The following LILRB1 variants were observed in gnomAD, a reference collection of about 807,000 sequenced individuals.
LILRB1 encodes the protein leukocyte immunoglobulin like receptor B1, also known as leukocyte immunoglobulin-like receptor subfamily B member 1.
LILRB1 carries 59 observed loss-of-function variants against 74.6 expected under a neutral mutation model. The observed-to-expected ratio is 0.79, with a 90% CI of 0.64 to 0.98. LILRB1 has a LOEUF of 0.98. LILRB1 is among the 50% of genes least tolerant of loss of function. The pLI is 0.00. For synonymous variants in LILRB1, 328 were observed against 333.9 expected (o/e 0.98, Z 0.19); for missense variants, 804 against 822.6 (o/e 0.98, Z 0.28).
rs756118883 is a variant in LILRB1 at position 54,633,738 on chromosome 19, C to T, written c.1312+50C>T. On this transcript the variant is annotated intron_variant, in intron 8 of 14. Transcript: ENST00000324602. ...CAAGGGAGTGCGGCCTCCCCCAGGGCAGCCCTGGGTCTCCCAGAGAATCCC... is the reference window on the plus strand; with the variant it reads ...CAAGGGAGTGCGGCCTCCCCCAGGGTAGCCCTGGGTCTCCCAGAGAATCCC... 22 of 1,576,732 alleles carry T rather than the reference C, an allele frequency of 1.4e-5. No individual in the cohort carries two copies. The East Asian group carries it at 5.0e-4, about 36-fold the overall frequency.
intron 1 of LILRB1, 25 bp from the exon 2 acceptor site, chr19:54,631,001 T>G: frequency 1.3e-6 from 2 of 1,567,926 alleles, no homozygotes; most frequent in Non-Finnish European, 1.7e-6. Context: ...TTGGCCACAC[T>G]CTGTGTGTCT....
intron 1 of LILRB1, 65 bp downstream of exon 1, chr19:54,630,698 T>C: frequency 1.3e-6 from 1 of 790,282 alleles, no homozygotes; most frequent in Non-Finnish European, 2.2e-6. Flanking sequence ...TGTGGGAGGC[T>C]GTGAGAAGGA....
At chr19:54,631,813 C>G in intron 4 of LILRB1, 26 bp downstream of exon 4, 2 of 1,611,612 alleles carry the variant, frequency 1.2e-6, no homozygotes, top group African/African-American at 1.3e-5. Flanking sequence ...GGGGTCCCAG[C>G]CCCAGACTCT....
Position 54,631,716 on chromosome 19 carries a change from A to G in LILRB1, c.287A>G (p.Tyr96Cys), listed in dbSNP as rs1387488915. The change falls in exon 4 of 15, where the codon TAT becomes TGT. Residue 96 changes from tyrosine (Y) to cysteine (C), a missense_variant. Tyr to Cys is a radical substitution (Grantham distance 194). Coordinates refer to ENST00000324602, the MANE Select transcript of LILRB1 (RefSeq NM_001081637.3). ...ATCACCTGGGAACACACAGGGCGGTATCGCTGTTACTATGGTAGCGACACT... is the reference window on the plus strand; with the variant it reads ...ATCACCTGGGAACACACAGGGCGGTGTCGCTGTTACTATGGTAGCGACACT... ...PSITWEHTGR[Y>C]RCYYGSDTAG... 6.2e-7 allele frequency: 1 copy of G among 1,614,148 alleles called. No homozygotes were observed. Among genetic ancestry groups the G allele is most frequent in the Non-Finnish European group, 8.5e-7 (1 of 1,180,036 alleles).
rs2064146074 is a variant in LILRB1 at position 54,633,907 on chromosome 19, G to A, written c.1313-64G>A. On this transcript the variant is annotated intron_variant, in intron 8 of 14. Transcript: ENST00000324602. The stretch of plus-strand genomic sequence containing the variant: ...AAATGTTGGGGCCCAGCCTGGGGGA[G>A]GAGCAGCCGGGCTGATGTGGGGAGC... 36 of 1,545,036 alleles carry A rather than the reference G, an allele frequency of 2.3e-5. No individual in the cohort carries two copies. In the South Asian group the frequency reaches 3.9e-4, roughly 17 times the overall value.
chr19:54,634,405 C>T (rs912089005), intron 9 of LILRB1: 31 of 1,532,742 alleles, frequency 2.0e-5, no homozygotes, highest in Non-Finnish European at 2.3e-5. Context: ...GGCTGCAGGT[C>T]AGACTCCTGG....
intron 1 of LILRB1, among the ~76,000 whole-genome samples, chr19:54,622,757 G>A (rs112694587): frequency 0.017 from 2,529 of 152,168 alleles, 33 homozygotes; most frequent in Middle Eastern, 0.024. Context: ...TCCATTTCTT[G>A]GGGAAATGCT....
At chr19:54,616,484 C>G (rs2063315999), upstream of LILRB1, among the ~76,000 whole-genome samples, 1 of 152,178 alleles carries the variant, frequency 6.6e-6, no homozygotes, top group African/African-American at 2.4e-5. Flanking sequence ...GTTGTCTCAA[C>G]CTGGAGCTAA....
upstream of LILRB1, chr19:54,630,417 A>C: frequency 6.8e-6 from 2 of 292,728 alleles, no homozygotes; most frequent in Non-Finnish European, 1.4e-5. Context: ...AGAGGGGACT[A>C]TTTGGTTGAA....
intron 10 of LILRB1, 105 bp downstream of exon 10, chr19:54,634,868 C>T: frequency 1.2e-5 from 18 of 1,529,902 alleles, no homozygotes; most frequent in Non-Finnish European, 1.6e-5. Context: ...AGAAACTGTT[C>T]CAGCATTTCT....
Position 54,632,576 on chromosome 19 carries a change from T to C in LILRB1, c.774T>C (p.Tyr258=), listed in dbSNP as rs753272143. Residue 258 remains tyrosine (Y), a synonymous_variant, in exon 6 of 15, where the codon TAT becomes TAC. Transcript: ENST00000324602. The stretch of plus-strand genomic sequence containing the variant: ...CTGGCTACAACAGATTTGTTCTGTA[T>C]AAGGACGGGGAACGTGACTTCCTTC... The part of the protein sequence containing the change: ...SDAGYNRFVL[Y]KDGERDFLQL... 45 of 1,613,930 alleles carry C rather than the reference T, an allele frequency of 2.8e-5. No homozygotes were observed. The highest frequency in any genetic ancestry group is 3.7e-5 in the Non-Finnish European group (44 of 1,179,980).
chr19:54,621,896 T>C (rs755316201), intron 1 of LILRB1, among the ~76,000 whole-genome samples: 2 of 152,238 alleles, frequency 1.3e-5, no homozygotes, highest in Non-Finnish European at 2.9e-5. Flanking sequence ...GTTTTATTCT[T>C]TTGCATATGG....
intron 9 of LILRB1, 153 bp from the exon 10 acceptor site, chr19:54,634,488 T>C: frequency 6.6e-7 from 1 of 1,520,726 alleles, no homozygotes; most frequent in Non-Finnish European, 8.9e-7. Context: ...AGCGTCAGTT[T>C]TTCATCTGTA....
At chr19:54,634,256 C>T (rs2064185943) in intron 9 of LILRB1, 6 of 1,515,668 alleles carry the variant, frequency 4.0e-6, no homozygotes, top group South Asian at 3.8e-5. Flanking sequence ...CCTCCCAGAC[C>T]CGATTCCGCG....
Position 54,632,380 on chromosome 19 carries a change from C to T in LILRB1, c.662-84C>T, listed in dbSNP as rs1206233203. 7 of 1,549,280 alleles carry T rather than the reference C, an allele frequency of 4.5e-6. No individual in the cohort carries two copies. In the African/African-American group the frequency reaches 9.6e-5, roughly 21 times the overall value. ...GGGGCCAGAGACACAGGAAGATCAG[C>T]AGTGATGTGGCCCCGGGGGAAAGGG... On this transcript the variant is annotated intron_variant, in intron 5 of 14. Coordinates refer to ENST00000324602, the MANE Select transcript of LILRB1 (RefSeq NM_001081637.3).
Position 54,632,751 on chromosome 19 carries a change from C to G in LILRB1, c.949C>G (p.Leu317Val), listed in dbSNP as rs1049917138. The G allele has an allele frequency of 1.2e-6, 2 of 1,611,962 alleles. No individual in the cohort carries two copies. The highest frequency in any genetic ancestry group is 1.7e-6 in the Non-Finnish European group (2 of 1,179,944). ...GGCCCCCAGCGACCCCCTGGACATC[C>G]TGATCGCAGGTGAGGAGCCCAGCGG... is the stretch of plus-strand genomic sequence containing the variant. ...WSAPSDPLDI[L>V]IAGQFYDRVS... The change falls in exon 6 of 15, where the codon CTG becomes GTG. Residue 317 changes from leucine (L) to valine (V), a missense_variant. Physicochemically the swap from Leu to Val is conservative, Grantham distance 32. Coordinates refer to ENST00000324602, the MANE Select transcript of LILRB1 (RefSeq NM_001081637.3).
rs61739244 is a variant in LILRB1 at position 54,633,233 on chromosome 19, G to A, written c.1176G>A (p.Ala392=). 0.046 allele frequency: 74,521 copies of A among 1,613,902 alleles called. 1,549 individuals carry two copies. Among genetic ancestry groups the A allele is most frequent in the South Asian group, 0.058 (5,249 of 91,052 alleles). ...TGGGTCCTGTGACCTCAGCCCATGCGGGGACCTACAGGTGCTACGGCTCAC... is the reference window on the plus strand; with the variant it reads ...TGGGTCCTGTGACCTCAGCCCATGCAGGGACCTACAGGTGCTACGGCTCAC... ...FPMGPVTSAH[A]GTYRCYGSQS... The change falls in exon 7 of 15, where the codon GCG becomes GCA. Residue 392 remains alanine, a synonymous_variant. Transcript: ENST00000324602.
In LILRB1 at chr19:54,631,954, C is replaced by A. The variant is rs1425011380; in HGVS notation, c.378C>A (p.Thr126=). The A allele has an allele frequency of 5.6e-6, 9 of 1,612,970 alleles. No homozygotes were observed. The highest frequency in any genetic ancestry group is 7.6e-6 in the Non-Finnish European group (9 of 1,179,238). The part of the protein sequence containing the change: ...LVVTGAYIKP[T]LSAQPSPVVN... ...TCCTAGGAGCCTACATCAAACCCAC[C>A]CTCTCAGCCCAGCCCAGCCCCGTGG... Residue 126 remains threonine, a synonymous_variant, in exon 5 of 15, where the codon ACC becomes ACA. Coordinates refer to ENST00000324602, the MANE Select transcript of LILRB1 (RefSeq NM_001081637.3).
chr19:54,633,576 G>A (rs1345877702), intron 7 of LILRB1, 62 bp from the exon 8 acceptor site: 1 of 1,513,614 alleles, frequency 6.6e-7, no homozygotes, highest in Non-Finnish European at 9.0e-7. Flanking sequence ...GAGAAATTTG[G>A]TTTGAGGTGG....
Sources: allele counts gnomAD v4.1 joint callset (sites outside exome capture counted in the v4.1 genomes callset), GRCh38; gene constraint gnomAD v4.1.1; transcripts MANE v1.5; gene names NCBI Gene and HGNC (gene_info 2026-07-23, HGNC 2026-07-21).